Variants in DBF4 observed in about 807,000 individuals in gnomAD.
DBF4 encodes DBF4-CDC7 kinase regulatory subunit.
DBF4 carries 25 observed loss-of-function variants against 76.6 expected under a neutral mutation model. That is an observed-to-expected ratio of 0.33 (90% CI 0.24 to 0.46). DBF4 has a LOEUF of 0.46. Among genes scored for constraint, DBF4 ranks in the 20% least tolerant of loss-of-function variants. The pLI is 1.00. For missense variants in DBF4, 638 were observed against 760.8 expected (o/e 0.84, Z 1.90); for synonymous variants, 213 against 258.0 (o/e 0.83, Z 1.67).
At position 87,907,209 on chromosome 7, in the gene DBF4, C is replaced by T. The variant is rs1839931544; in HGVS notation, c.1071C>T (p.Ser357=). 1 of 1,601,734 alleles carries T rather than the reference C, an allele frequency of 6.2e-7. No individual in the cohort carries two copies. Among genetic ancestry groups the T allele is most frequent in the Non-Finnish European group, 8.5e-7 (1 of 1,176,240 alleles). The part of the protein sequence containing the change: ...KKKRIKYSVG[S]LSPVSASVLK... The stretch of plus-strand genomic sequence containing the variant: ...AAAGAATAAAATACAGTGTTGGATC[C>T]CTTTCTCCTGTTTCTGCAAGTGTCC... The change falls in exon 12 of 12, where the codon TCC becomes TCT. Residue 357 remains serine, a synonymous_variant. Coordinates refer to ENST00000265728, the MANE Select transcript of DBF4 (RefSeq NM_006716.4).
At chr7:87,888,371 A>G in intron 6 of DBF4, 1 of 930,226 alleles carries the variant, frequency 1.1e-6, no homozygotes, top group Non-Finnish European at 1.3e-6. Context: ...TTCCTAATGT[A>G]AGTAATGTAC....
intron 10 of DBF4, 82 bp from the exon 11 acceptor site, chr7:87,904,210 G>C: frequency 7.1e-7 from 1 of 1,415,326 alleles, no homozygotes; most frequent in East Asian, 2.5e-5. Flanking sequence ...AGGGGCATGA[G>C]AATGTTAGAA....
At chr7:87,894,407 G>T (rs1584364108) in intron 6 of DBF4, among the ~76,000 whole-genome samples, 1 of 152,118 alleles carries the variant, frequency 6.6e-6, no homozygotes, top group East Asian at 1.9e-4. Flanking sequence ...TTGCAGAGAG[G>T]CAAGATCATG....
chr7:87,905,078 G>T (rs1308409079), intron 11 of DBF4, among the ~76,000 whole-genome samples: 1 of 152,184 alleles, frequency 6.6e-6, no homozygotes, highest in Admixed American at 6.5e-5. Flanking sequence ...AGCCTCCTGA[G>T]TAGTTGGGAT....
chr7:87,905,074 C>G (rs1375179164), intron 11 of DBF4, among the ~76,000 whole-genome samples: 1 of 152,194 alleles, frequency 6.6e-6, no homozygotes, highest in Non-Finnish European at 1.5e-5. Context: ...CCTCAGCCTC[C>G]TGAGTAGTTG....
intron 10 of DBF4, among the ~76,000 whole-genome samples, chr7:87,901,805 T>G (rs6950539): frequency 0.014 from 2,075 of 152,272 alleles, 51 homozygotes; most frequent in African/African-American, 0.047. Flanking sequence ...TTGAATAATT[T>G]TTTACGTAAT....
chr7:87,906,246 G>A (rs1162300851), intron 11 of DBF4, among the ~76,000 whole-genome samples: 1 of 151,660 alleles, frequency 6.6e-6, no homozygotes, highest in Non-Finnish European at 1.5e-5. Flanking sequence ...TTCTGAGCTA[G>A]TACTGGTTGT....
chr7:87,889,074 C>T (rs1034964625), intron 6 of DBF4, among the ~76,000 whole-genome samples: 2 of 152,030 alleles, frequency 1.3e-5, no homozygotes, highest in African/African-American at 4.8e-5. Flanking sequence ...AAAGATAAAG[C>T]TGGAAAAACC....
intron 8 of DBF4, among the ~76,000 whole-genome samples, chr7:87,899,340 A>T (rs2131069361): frequency 6.6e-6 from 1 of 152,324 alleles, no homozygotes; most frequent in South Asian, 2.1e-4. Context: ...TCTTTTTTTC[A>T]GCTTTCTCAG....
chr7:87,904,218 GA>G, intron 10 of DBF4, 73 bp from the exon 11 acceptor site: 1 of 1,467,652 alleles, frequency 6.8e-7, no homozygotes, highest in Non-Finnish European at 9.1e-7. Flanking sequence ...GAGAATGTTA[GA>G]AAACCTTAAT....
intron 10 of DBF4, among the ~76,000 whole-genome samples, chr7:87,903,066 G>A (rs1320155678): frequency 6.6e-6 from 1 of 151,930 alleles, no homozygotes; most frequent in African/African-American, 2.4e-5. Context: ...TTTTGGTTTT[G>A]ACCACTCTTT....
intron 2 of DBF4, among the ~76,000 whole-genome samples, chr7:87,880,705 A>G (rs758562072): frequency 7.9e-5 from 12 of 152,078 alleles, no homozygotes; most frequent in Admixed American, 2.0e-4. Context: ...TTAATATCCC[A>G]TTTATCTGCA....
chr7:87,888,686 A>G (rs1839418962), intron 6 of DBF4, among the ~76,000 whole-genome samples: 1 of 152,144 alleles, frequency 6.6e-6, no homozygotes, highest in Admixed American at 6.5e-5. Context: ...TCCTCATCCA[A>G]AGTTCTCAGA....
intron 6 of DBF4, among the ~76,000 whole-genome samples, chr7:87,892,515 T>C (rs1227381022): frequency 2.0e-5 from 3 of 152,248 alleles, no homozygotes; most frequent in Admixed American, 1.3e-4. Context: ...TTCCAAGTTC[T>C]GGCAGTTATG....
At chr7:87,904,786 AAAAAT>A (rs1235401384) in intron 11 of DBF4, among the ~76,000 whole-genome samples, 1 of 152,172 alleles carries the variant, frequency 6.6e-6, no homozygotes, top group East Asian at 1.9e-4. Context: ...CTATTAAACT[AAAAAT>A]AAACACAGTT....
intron 10 of DBF4, among the ~76,000 whole-genome samples, chr7:87,903,509 C>T (rs1266087085): frequency 1.3e-5 from 2 of 152,162 alleles, no homozygotes; most frequent in Non-Finnish European, 2.9e-5. Context: ...TTTAGTACTT[C>T]ACAGCATTTA....
At chr7:87,901,989 G>A (rs574827134) in intron 10 of DBF4, among the ~76,000 whole-genome samples, 10 of 152,192 alleles carry the variant, frequency 6.6e-5, no homozygotes, top group African/African-American at 2.4e-4. Context: ...TAATAAACAA[G>A]AAAACTATGA....
At chr7:87,885,227 C>G (rs1839315491) in intron 3 of DBF4, 69 bp downstream of exon 3, 1 of 1,326,336 alleles carries the variant, frequency 7.5e-7, no homozygotes, top group Non-Finnish European at 1.0e-6. Context: ...TTTTTAATAG[C>G]AAGGTGGCAG....
chr7:87,900,677 T>G, intron 9 of DBF4, 87 bp from the exon 10 acceptor site: 1 of 1,073,944 alleles, frequency 9.3e-7, no homozygotes, highest in Non-Finnish European at 1.4e-6. Context: ...ATTATGCAGA[T>G]TGTGTGTGAT....
Sources: allele counts gnomAD v4.1 joint callset (sites outside exome capture counted in the v4.1 genomes callset), GRCh38; gene constraint gnomAD v4.1.1; transcripts MANE v1.5; gene names NCBI Gene and HGNC (gene_info 2026-07-23, HGNC 2026-07-21).